SCFD2: variants seen among roughly 807,000 people sequenced by gnomAD.
SCFD2 encodes the protein sec1 family domain-containing protein 2.
In SCFD2, 54 loss-of-function variants were observed where a neutral mutation model predicts 58.9. That is an observed-to-expected ratio of 0.92 (90% CI 0.74 to 1.15). The LOEUF is 1.15. Ranked by LOEUF, SCFD2 falls within the 50% of genes most tolerant of loss-of-function variation. The pLI is 0.00. For synonymous variants in SCFD2, 321 were observed against 335.9 expected (o/e 0.96, Z 0.49); for missense variants, 805 against 836.6 (o/e 0.96, Z 0.47).
At chr4:53,307,176 TC>T (rs1250912100) in intron 3 of SCFD2, among the ~76,000 whole-genome samples, 1 of 152,188 alleles carries the variant, frequency 6.6e-6, no homozygotes, top group African/African-American at 2.4e-5. Flanking sequence ...TGAAAGTATT[TC>T]AGACAGACAA....
intron 5 of SCFD2, among the ~76,000 whole-genome samples, chr4:52,943,163 C>T (rs1449114221): frequency 1.3e-5 from 2 of 152,202 alleles, no homozygotes; most frequent in Admixed American, 6.5e-5. Context: ...GTATGCCTTA[C>T]GGAATGTGCT....
chr4:53,257,873 T>C (rs549524544), intron 4 of SCFD2, among the ~76,000 whole-genome samples: 1 of 151,644 alleles, frequency 6.6e-6, no homozygotes, highest in Admixed American at 6.6e-5. Flanking sequence ...CTCTCTTTTT[T>C]AAAAAAAACC....
intron 5 of SCFD2, among the ~76,000 whole-genome samples, chr4:52,935,930 C>T (rs111637556): frequency 0.024 from 3,716 of 152,188 alleles, 152 homozygotes; most frequent in African/African-American, 0.084. Context: ...CTCCGCCTCC[C>T]GGGTTCAAGC....
chr4:53,143,795 TACACACACAC>T (rs113492027), intron 5 of SCFD2, among the ~76,000 whole-genome samples: 17 of 146,660 alleles, frequency 1.2e-4, no homozygotes, highest in Admixed American at 8.2e-4. Context: ...CACCTAAACA[TACACACACAC>T]ACACACACAC....
At chr4:53,362,709 G>T (rs367801262) in intron 1 of SCFD2, among the ~76,000 whole-genome samples, 2 of 151,490 alleles carry the variant, frequency 1.3e-5, no homozygotes, top group African/African-American at 4.9e-5. Context: ...AATTGAAGTT[G>T]GAAGAGCATG....
chr4:52,909,190 T>A lies in SCFD2; in HGVS notation c.1708-1599A>T, dbSNP rs142523133. ...ATTACAGATGCATTCAACATAGCAATCACACTCCTAGTCATTTATTCTTTG... is the reference window on the plus strand; with the variant it reads ...ATTACAGATGCATTCAACATAGCAAACACACTCCTAGTCATTTATTCTTTG... On this transcript the variant is annotated intron_variant, in intron 6 of 8. Transcript: ENST00000401642. Among the ~76,000 whole-genome samples, 320 of 152,302 alleles carry A rather than the reference T, an allele frequency of 2.1e-3. 1 individual carries two copies. Among genetic ancestry groups the A allele is most frequent in the Non-Finnish European group, 3.4e-3 (231 of 68,018 alleles).
intron 4 of SCFD2, among the ~76,000 whole-genome samples, chr4:53,172,088 C>G (rs187986098): frequency 6.6e-6 from 1 of 151,772 alleles, no homozygotes; most frequent in Non-Finnish European, 1.5e-5. Context: ...CTCACTGCAA[C>G]CTTCATCTCC....
At position 53,273,403 on chromosome 4, in the gene SCFD2, C is replaced by T. The variant is rs536996542; in HGVS notation, c.1311+423G>A. 3.3e-5 allele frequency among the ~76,000 whole-genome samples: 5 copies of T among 152,120 alleles called. No individual in the cohort carries two copies. In the South Asian group the frequency reaches 6.2e-4, roughly 19 times the overall value. ...ATCACTTCCTTCATTTTTTACTAAA[C>T]GCCATTTTAAGACACATGCTATATG... On this transcript the variant is annotated intron_variant, in intron 4 of 8. Transcript: ENST00000401642.
chr4:53,179,356 A>G (rs1406583241), intron 4 of SCFD2, among the ~76,000 whole-genome samples: 1 of 151,930 alleles, frequency 6.6e-6, no homozygotes, highest in Admixed American at 6.6e-5. Context: ...CAACATTCTT[A>G]AAAAAAAGAA....
rs368606231 is a variant in SCFD2, at chr4:53,302,971, C to A, written c.1135+10665G>T. Among the ~76,000 whole-genome samples the A allele has an allele frequency of 7.9e-3, 1,196 of 152,074 alleles. 11 individuals carry two copies. Among genetic ancestry groups the A allele is most frequent in the African/African-American group, 0.027 (1,134 of 41,510 alleles). On this transcript the variant is annotated intron_variant, in intron 3 of 8. Transcript: ENST00000401642. ...TAATTCAAGATGGATTAAAGACTTA[C>A]ATGTTAGACCTAAAACCATAAAAAC... is the stretch of plus-strand genomic sequence containing the variant.
At chr4:53,073,242 T>C (rs1723875141) in intron 5 of SCFD2, among the ~76,000 whole-genome samples, 1 of 152,022 alleles carries the variant, frequency 6.6e-6, no homozygotes, top group Non-Finnish European at 1.5e-5. Flanking sequence ...TGTGCATGGG[T>C]TATATGCTAA....
At position 53,051,694 on chromosome 4, in the gene SCFD2, C is replaced by T. The variant is rs553212875; in HGVS notation, c.1561+93639G>A. On this transcript the variant is annotated intron_variant, in intron 5 of 8. Coordinates refer to ENST00000401642, the MANE Select transcript of SCFD2 (RefSeq NM_152540.4). ...GTTTCTCCATCTGGATATAAAGTGGCGCTAACTGCACTAGCAATGCTGTCA... is the reference window on the plus strand; with the variant it reads ...GTTTCTCCATCTGGATATAAAGTGGTGCTAACTGCACTAGCAATGCTGTCA... 8.5e-5 allele frequency among the ~76,000 whole-genome samples: 13 copies of T among 152,252 alleles called. 1 individual carries two copies. The highest frequency in any genetic ancestry group is 3.9e-4 in the East Asian group (2 of 5,178).
At chr4:53,318,567 ACTACAG>A (rs1158449950) in intron 2 of SCFD2, among the ~76,000 whole-genome samples, 3 of 152,190 alleles carry the variant, frequency 2.0e-5, no homozygotes, top group Admixed American at 1.3e-4. Context: ...TGAGAAAAAC[ACTACAG>A]CTTCAAACAA....
intron 4 of SCFD2, 137 bp downstream of exon 4, chr4:53,273,689 G>T: frequency 1.4e-6 from 1 of 736,058 alleles, no homozygotes; most frequent in South Asian, 3.6e-5. Context: ...TTTAACTAGG[G>T]GGCACTTAGA....
intron 5 of SCFD2, among the ~76,000 whole-genome samples, chr4:52,994,117 G>A (rs1721687336): frequency 6.6e-6 from 1 of 152,218 alleles, no homozygotes; most frequent in African/African-American, 2.4e-5. Context: ...TCCTCTGAAT[G>A]GTTGGGGGAG....
At chr4:53,051,405 G>A (rs557608865) in intron 5 of SCFD2, among the ~76,000 whole-genome samples, 3 of 152,120 alleles carry the variant, frequency 2.0e-5, no homozygotes, top group East Asian at 3.9e-4. Context: ...GACCAGCAAC[G>A]GAGCCTCTCC....
chr4:52,921,787 A>AGTCT (rs539194038), intron 5 of SCFD2, among the ~76,000 whole-genome samples: 80 of 152,064 alleles, frequency 5.3e-4, no homozygotes, highest in Non-Finnish European at 1.0e-3. Flanking sequence ...TCAGGCAGTT[A>AGTCT]GTCTGTCTGT....
At chr4:53,138,924 G>A (rs1312580747) in intron 5 of SCFD2, among the ~76,000 whole-genome samples, 5 of 127,568 alleles carry the variant, frequency 3.9e-5, no homozygotes, top group East Asian at 2.7e-4. Flanking sequence ...ATGCCCAGCC[G>A]AGGCTGGACT....
At chr4:53,251,401 G>A (rs1252391475) in intron 4 of SCFD2, among the ~76,000 whole-genome samples, 1 of 152,202 alleles carries the variant, frequency 6.6e-6, no homozygotes, top group Admixed American at 6.5e-5. Flanking sequence ...GCAGCATCCT[G>A]ATACCAAAGC....
Sources: allele counts gnomAD v4.1 joint callset (sites outside exome capture counted in the v4.1 genomes callset), GRCh38; gene constraint gnomAD v4.1.1; transcripts MANE v1.5; gene names NCBI Gene and HGNC (gene_info 2026-07-23, HGNC 2026-07-21).